MAP2K5: variants seen among roughly 807,000 people sequenced by gnomAD.
The protein encoded by MAP2K5 is dual specificity mitogen-activated protein kinase kinase 5.
Under a neutral mutation model 83.1 loss-of-function variants are expected in MAP2K5, and 49 were observed. The observed-to-expected ratio is 0.59, with a 90% CI of 0.47 to 0.75. The LOEUF (loss-of-function observed/expected upper bound fraction) is 0.75. MAP2K5 is among the 30% of genes least tolerant of loss of function. The pLI, the probability that MAP2K5 is intolerant of heterozygous loss-of-function variation, is 0.00. For synonymous variants in MAP2K5, 202 were observed against 191.8 expected (o/e 1.05, Z -0.44); for missense variants, 457 against 557.5 (o/e 0.82, Z 1.82).
chr15:67,624,225 G>C (rs1036005914), intron 8 of MAP2K5, among the ~76,000 whole-genome samples: 2 of 150,814 alleles, frequency 1.3e-5, no homozygotes, highest in African/African-American at 4.9e-5. Context: ...TGTAGTCTTA[G>C]CTACTCGGGA....
intron 8 of MAP2K5, among the ~76,000 whole-genome samples, chr15:67,606,441 G>A (rs2141035503): frequency 6.6e-6 from 1 of 152,254 alleles, no homozygotes; most frequent in Non-Finnish European, 1.5e-5. Context: ...CTGCCTTCAT[G>A]GTGTTTTGAA....
rs2141315310 is a variant in MAP2K5 at position 67,779,361 on chromosome 15, A to G, written c.1242+6609A>G. Among the ~76,000 whole-genome samples the G allele has an allele frequency of 6.6e-6, 1 of 152,350 alleles. No individual in the cohort carries two copies. The highest frequency in any genetic ancestry group is 1.9e-4 in the East Asian group (1 of 5,186). The stretch of plus-strand genomic sequence containing the variant: ...GTCTGGATACTTGAGATCGCACTAA[A>G]TCAGACAGCTTTAATTTGAATTTTT... On this transcript the variant is annotated intron_variant, in intron 21 of 21. Coordinates refer to ENST00000178640, the MANE Select transcript of MAP2K5 (RefSeq NM_145160.3). This position sits in a 1 kb window ranked among gnomAD's most constrained non-coding sequence, Gnocchi z 4.6.
Position 67,738,393 on chromosome 15 carries a change from CCTT to C in MAP2K5, c.1075-9834_1075-9832del, listed in dbSNP as rs2089393717. Among the ~76,000 whole-genome samples the C allele has an allele frequency of 6.6e-6, 1 of 152,204 alleles. No homozygotes were observed. The highest frequency in any genetic ancestry group is 2.4e-5 in the African/African-American group (1 of 41,446). ...GCCCTGCTCTTTGGATAGCCCTATG[CCTT>C]CTTGGTAGCCAGGCAGCTGGAAACA... On this transcript the variant is annotated intron_variant, in intron 17 of 21. Coordinates refer to ENST00000178640, the MANE Select transcript of MAP2K5 (RefSeq NM_145160.3). The surrounding 1 kb of genome is among the most constrained non-coding windows in gnomAD (Gnocchi z 4.1).
intron 6 of MAP2K5, 116 bp from the exon 7 acceptor site, chr15:67,592,810 T>A (rs1204835848): frequency 3.5e-6 from 2 of 575,452 alleles, no homozygotes; most frequent in Non-Finnish European, 6.0e-6. Flanking sequence ...GAGAAGGATG[T>A]GAAGAATATG....
rs1219135617 is a variant in MAP2K5, at chr15:67,774,872, A to G, written c.1242+2120A>G. ...CCGCTTCAAATGTGAGGCCTGCAGG[A>G]TTGTCAAGGTTTCCCTGTAGGCCTC... is the stretch of plus-strand genomic sequence containing the variant. On this transcript the variant is annotated intron_variant, in intron 21 of 21. Coordinates refer to ENST00000178640, the MANE Select transcript of MAP2K5 (RefSeq NM_145160.3). This position sits in a 1 kb window ranked among gnomAD's most constrained non-coding sequence, Gnocchi z 4.9. Among the ~76,000 whole-genome samples the G allele has an allele frequency of 6.6e-6, 1 of 152,224 alleles. No individual in the cohort carries two copies. The highest frequency in any genetic ancestry group is 1.5e-5 in the Non-Finnish European group (1 of 68,030).
intron 19 of MAP2K5, among the ~76,000 whole-genome samples, chr15:67,763,703 A>G (rs895924886): frequency 1.3e-5 from 2 of 151,494 alleles, no homozygotes; most frequent in African/African-American, 2.4e-5. Flanking sequence ...GATTTGCCCT[A>G]TGGGTTCTGC....
At position 67,777,245 on chromosome 15, in the gene MAP2K5, T is replaced by C. The variant is rs1282525417; in HGVS notation, c.1242+4493T>C. Among the ~76,000 whole-genome samples, 2 of 152,198 alleles carry C rather than the reference T, an allele frequency of 1.3e-5. No individual in the cohort carries two copies. The highest frequency in any genetic ancestry group is 2.1e-4 in the South Asian group (1 of 4,830). On this transcript the variant is annotated intron_variant, in intron 21 of 21. Transcript: ENST00000178640. This position sits in a 1 kb window ranked among gnomAD's most constrained non-coding sequence, Gnocchi z 6.0. ...CCTTTAACTTCCCTGCCTAGCCTGA[T>C]TGTGGGCCTTAACTTGAACGGGGAA... is the stretch of plus-strand genomic sequence containing the variant.
intron 1 of MAP2K5, among the ~76,000 whole-genome samples, chr15:67,545,982 G>A (rs937847655): frequency 6.6e-6 from 1 of 152,172 alleles, no homozygotes. Flanking sequence ...CAGGAAACAC[G>A]AGTGGCCCCA....
rs1399540729 is a variant in MAP2K5 at position 67,615,634 on chromosome 15, A to C, written c.545+14885A>C. On this transcript the variant is annotated intron_variant, in intron 8 of 21. Coordinates refer to ENST00000178640, the MANE Select transcript of MAP2K5 (RefSeq NM_145160.3). Reference sequence around the variant, plus strand: ...TGTTAATAAAATCTACCTTCAAATAAACCTAAAAAGACCAAGAAATTAGAG... The same window carrying C: ...TGTTAATAAAATCTACCTTCAAATACACCTAAAAAGACCAAGAAATTAGAG... Among the ~76,000 whole-genome samples, 8 of 152,182 alleles carry C rather than the reference A, an allele frequency of 5.3e-5. No individual in the cohort carries two copies. The East Asian group carries it at 1.5e-3, about 29-fold the overall frequency.
At chr15:67,681,442 A>G (rs1046464155) in intron 13 of MAP2K5, among the ~76,000 whole-genome samples, 13 of 152,120 alleles carry the variant, frequency 8.5e-5, no homozygotes, top group East Asian at 1.9e-4. Context: ...CCAGGGCATC[A>G]CTCTGCTTCC....
intron 13 of MAP2K5, among the ~76,000 whole-genome samples, chr15:67,674,911 A>G (rs928173306): frequency 1.3e-5 from 2 of 152,210 alleles, no homozygotes; most frequent in Non-Finnish European, 2.9e-5. Flanking sequence ...AGATATTACT[A>G]TATACCTATC....
chr15:67,632,287 A>G (rs999658266), intron 9 of MAP2K5, among the ~76,000 whole-genome samples: 3 of 151,972 alleles, frequency 2.0e-5, no homozygotes, highest in East Asian at 1.9e-4. Flanking sequence ...TTTTGTAGAG[A>G]CAGGGTTTCA....
At position 67,576,614 on chromosome 15, in the gene MAP2K5, C is replaced by A. The variant is rs2085069532; in HGVS notation, c.253-4140C>A. On this transcript the variant is annotated intron_variant, in intron 3 of 21. Transcript: ENST00000178640. Reference sequence around the variant, plus strand: ...ATTGCAAAGCTGATTGATCTTTTACCCAGTTAGCTTATTGATTATCGCTGC... The same window carrying A: ...ATTGCAAAGCTGATTGATCTTTTACACAGTTAGCTTATTGATTATCGCTGC... Among the ~76,000 whole-genome samples the A allele has an allele frequency of 2.0e-5, 3 of 147,518 alleles. 1 individual carries two copies. Among genetic ancestry groups the A allele is most frequent in the East Asian group, 4.1e-4 (2 of 4,860 alleles).
intron 21 of MAP2K5, among the ~76,000 whole-genome samples, chr15:67,787,117 T>G (rs12591403): frequency 0.089 from 13,561 of 152,212 alleles, 729 homozygotes; most frequent in Admixed American, 0.1. Flanking sequence ...GAAGTGGCTG[T>G]TCAATGATAG....
chr15:67,799,843 G>C (rs1443589070), intron 21 of MAP2K5, among the ~76,000 whole-genome samples: 1 of 152,196 alleles, frequency 6.6e-6, no homozygotes, highest in Non-Finnish European at 1.5e-5. Context: ...TCCACTCTTT[G>C]GTATTATCTC....
Position 67,720,648 on chromosome 15 carries a change from C to T in MAP2K5, c.1045-7268C>T, listed in dbSNP as rs2088937145. 6.6e-6 allele frequency among the ~76,000 whole-genome samples: 1 copy of T among 152,052 alleles called. No homozygotes were observed. Among genetic ancestry groups the T allele is most frequent in the African/African-American group, 2.4e-5 (1 of 41,388 alleles). On this transcript the variant is annotated intron_variant, in intron 16 of 21. Coordinates refer to ENST00000178640, the MANE Select transcript of MAP2K5 (RefSeq NM_145160.3). This position sits in a 1 kb window ranked among gnomAD's most constrained non-coding sequence, Gnocchi z 5.7. ...TCATGAATTAATAATTGCTATGTGG[C>T]GGATGAGCCCCGTCAGAAGAGCTGA...
rs1388396327 is a variant in MAP2K5, at chr15:67,782,841, TTTCCTCCCGTCAGGGAGG to T, written c.1242+10091_1242+10108del. ...GGAAAGTCCCTTCTCCAAAACAAGC[TTTCCTCCCGTCAGGGAGG>T]TCAGCAGAGCTTCGGCTGGGCGCTG... On this transcript the variant is annotated intron_variant, in intron 21 of 21. Coordinates refer to ENST00000178640, the MANE Select transcript of MAP2K5 (RefSeq NM_145160.3). The surrounding 1 kb of genome is among the most constrained non-coding windows in gnomAD (Gnocchi z 4.9). Among the ~76,000 whole-genome samples the T allele has an allele frequency of 1.3e-5, 2 of 152,238 alleles. No individual in the cohort carries two copies. The highest frequency in any genetic ancestry group is 2.9e-5 in the Non-Finnish European group (2 of 68,044).
In MAP2K5 at chr15:67,785,968, A is replaced by G. The variant is rs2090408580; in HGVS notation, c.1242+13216A>G. Among the ~76,000 whole-genome samples the G allele has an allele frequency of 6.6e-6, 1 of 152,088 alleles. No individual in the cohort carries two copies. On this transcript the variant is annotated intron_variant, in intron 21 of 21. Coordinates refer to ENST00000178640, the MANE Select transcript of MAP2K5 (RefSeq NM_145160.3). The surrounding 1 kb of genome is among the most constrained non-coding windows in gnomAD (Gnocchi z 4.4). The stretch of plus-strand genomic sequence containing the variant: ...TCTGAGCCTGAGCTGCTTCATCTGT[A>G]AAATGGGGTAATGATACCAACTTCA...
rs1410601891 is a variant in MAP2K5, at chr15:67,779,207, T to C, written c.1242+6455T>C. Among the ~76,000 whole-genome samples, 1 of 152,128 alleles carries C rather than the reference T, an allele frequency of 6.6e-6. No homozygotes were observed. The highest frequency in any genetic ancestry group is 1.5e-5 in the Non-Finnish European group (1 of 68,030). ...CCACGTAGGGTCCAGCTGACAACCA[T>C]GGAATTTTTTTTTAAGTTCTGAAGG... On this transcript the variant is annotated intron_variant, in intron 21 of 21. Coordinates refer to ENST00000178640, the MANE Select transcript of MAP2K5 (RefSeq NM_145160.3). This position sits in a 1 kb window ranked among gnomAD's most constrained non-coding sequence, Gnocchi z 4.6.
Sources: allele counts gnomAD v4.1 joint callset (sites outside exome capture counted in the v4.1 genomes callset), GRCh38; gene constraint gnomAD v4.1.1; non-coding constraint Gnocchi (gnomAD v3.1); transcripts MANE v1.5; gene names NCBI Gene and HGNC (gene_info 2026-07-23, HGNC 2026-07-21).